The following SMCHD1 variants were observed in gnomAD, a reference collection of about 807,000 sequenced individuals.
SMCHD1 encodes the protein structural maintenance of chromosomes flexible hinge domain-containing protein 1.
A neutral mutation model predicts 254.7 loss-of-function variants in SMCHD1; 78 were observed. The observed-to-expected ratio is 0.31, with a 90% CI of 0.26 to 0.37. The LOEUF (loss-of-function observed/expected upper bound fraction) is 0.37. Among genes scored for constraint, SMCHD1 ranks in the 10% least tolerant of loss-of-function variants. SMCHD1 has a pLI of 1.00. For missense variants in SMCHD1, 1,840 were observed against 2,408.1 expected (o/e 0.76, Z 4.94); for synonymous variants, 766 against 794.9 (o/e 0.96, Z 0.61).
chr18:2,670,433 G>C (rs1568092520), intron 3 of SMCHD1, among the ~76,000 whole-genome samples: 3 of 151,994 alleles, frequency 2.0e-5, no homozygotes, highest in Non-Finnish European at 2.9e-5. Flanking sequence ...TTTCTCTGCT[G>C]TTTCTTTTTT....
chr18:2,696,363 G>A (rs1239988767), intron 8 of SMCHD1, among the ~76,000 whole-genome samples: 3 of 152,164 alleles, frequency 2.0e-5, no homozygotes, highest in Non-Finnish European at 4.4e-5. Context: ...ACCTGGCTCC[G>A]CCTCCTGTCA....
chr18:2,746,014 T>C (rs996496663), intron 29 of SMCHD1, among the ~76,000 whole-genome samples: 2 of 152,118 alleles, frequency 1.3e-5, no homozygotes, highest in African/African-American at 2.4e-5. Context: ...TAAATACATA[T>C]ATTATTCTTT....
chr18:2,678,822 GTTTT>G (rs572937755), intron 5 of SMCHD1, among the ~76,000 whole-genome samples: 7 of 144,670 alleles, frequency 4.8e-5, no homozygotes, highest in African/African-American at 1.8e-4. Flanking sequence ...TCCGTTTTTT[GTTTT>G]TTTTTTTTTT....
At chr18:2,656,800 G>A (rs549924581) in intron 1 of SMCHD1, among the ~76,000 whole-genome samples, 1 of 152,066 alleles carries the variant, frequency 6.6e-6, no homozygotes, top group Non-Finnish European at 1.5e-5. Context: ...CGGGGCGGCG[G>A]GGGGGATCCT....
chr18:2,761,812 T>A (rs796153980), intron 35 of SMCHD1, among the ~76,000 whole-genome samples: 28 of 152,306 alleles, frequency 1.8e-4, no homozygotes, highest in African/African-American at 6.5e-4. Flanking sequence ...AGTGAGACTC[T>A]GTCTCAAAAA....
At chr18:2,785,340 T>C (rs1161315077) in intron 45 of SMCHD1, among the ~76,000 whole-genome samples, 2 of 152,142 alleles carry the variant, frequency 1.3e-5, no homozygotes, top group African/African-American at 4.8e-5. Flanking sequence ...AAATTTACCA[T>C]CTTAACCATT....
At chr18:2,742,924 T>G (rs547629053) in intron 28 of SMCHD1, among the ~76,000 whole-genome samples, 168 of 152,288 alleles carry the variant, frequency 1.1e-3, no homozygotes, top group African/African-American at 3.9e-3. Context: ...TCCTTCCACC[T>G]TGGCCTCGTA....
chr18:2,678,721 A>G (rs190718814), intron 5 of SMCHD1, among the ~76,000 whole-genome samples: 1 of 152,254 alleles, frequency 6.6e-6, no homozygotes, highest in Non-Finnish European at 1.5e-5. Context: ...TTTAGCCCAA[A>G]GGACTCTCTC....
At chr18:2,725,117 T>C in intron 21 of SMCHD1, 122 bp downstream of exon 21, 2 of 528,366 alleles carry the variant, frequency 3.8e-6, no homozygotes. Flanking sequence ...AGTAATTGGG[T>C]TCTTAGGAAT....
chr18:2,723,637 C>T (rs2074970540), intron 20 of SMCHD1, among the ~76,000 whole-genome samples: 1 of 152,154 alleles, frequency 6.6e-6, no homozygotes, highest in African/African-American at 2.4e-5. Flanking sequence ...CATATGCATT[C>T]GTTCCAGATA....
In SMCHD1 at chr18:2,802,510, T is replaced by G; in HGVS notation, c.5994-18T>G. On this transcript the variant is annotated intron_variant, in intron 47 of 47. Coordinates refer to ENST00000320876, the MANE Select transcript of SMCHD1 (RefSeq NM_015295.3). ...ACCTTTGGTACATAAAACTTTTTTT[T>G]CTTTCCCCTTTGACCAGGATTATAA... 2 of 1,546,348 alleles carry G rather than the reference T, an allele frequency of 1.3e-6. No individual in the cohort carries two copies. The highest frequency in any genetic ancestry group is 1.7e-6 in the Non-Finnish European group (2 of 1,144,478).
chr18:2,745,816 CTAAT>C (rs1315199009), intron 29 of SMCHD1, among the ~76,000 whole-genome samples: 3 of 152,082 alleles, frequency 2.0e-5, no homozygotes, highest in Non-Finnish European at 4.4e-5. Flanking sequence ...AAAACATAAA[CTAAT>C]ATATCAGTCT....
chr18:2,734,872 A>G (rs747801492), intron 25 of SMCHD1, among the ~76,000 whole-genome samples: 1 of 152,024 alleles, frequency 6.6e-6, no homozygotes, highest in Non-Finnish European at 1.5e-5. Flanking sequence ...GTTCAAGACC[A>G]GCCTGGCCAA....
At chr18:2,745,424 A>G (rs958124970) in intron 29 of SMCHD1, among the ~76,000 whole-genome samples, 4 of 152,210 alleles carry the variant, frequency 2.6e-5, no homozygotes, top group African/African-American at 9.6e-5. Context: ...CTCATGCCTT[A>G]GTTTGAGATT....
At chr18:2,795,502 C>T (rs1368504747) in intron 45 of SMCHD1, among the ~76,000 whole-genome samples, 2 of 152,206 alleles carry the variant, frequency 1.3e-5, no homozygotes, top group African/African-American at 4.8e-5. Flanking sequence ...GTTACACTTA[C>T]ACATCTTTTT....
chr18:2,672,366 A>G lies in SMCHD1; in HGVS notation c.425-915A>G, dbSNP rs1227327867. Reference sequence around the variant, plus strand: ...CTCAGCCTCCCGAGTAGCTGGGATTATAGGCACCAGCTACCACGCCCAGCT... The same window carrying G: ...CTCAGCCTCCCGAGTAGCTGGGATTGTAGGCACCAGCTACCACGCCCAGCT... On this transcript the variant is annotated intron_variant, in intron 3 of 47. Transcript: ENST00000320876. 2.0e-5 allele frequency among the ~76,000 whole-genome samples: 3 copies of G among 152,084 alleles called. No homozygotes were observed. In the South Asian group the frequency reaches 6.2e-4, roughly 32 times the overall value.
chr18:2,715,853 GAAAAT>G (rs922048781), intron 17 of SMCHD1, among the ~76,000 whole-genome samples: 9 of 152,184 alleles, frequency 5.9e-5, no homozygotes, highest in Admixed American at 5.9e-4. Context: ...CACATCTCAA[GAAAAT>G]AAAATAATCA....
At chr18:2,797,539 A>G (rs2076284104) in intron 47 of SMCHD1, among the ~76,000 whole-genome samples, 2 of 152,226 alleles carry the variant, frequency 1.3e-5, no homozygotes, top group South Asian at 2.1e-4. Flanking sequence ...TCTGTGTTGT[A>G]TGTTGCTGGG....
At chr18:2,664,821 T>C (rs1568077395) in intron 1 of SMCHD1, among the ~76,000 whole-genome samples, 2 of 152,340 alleles carry the variant, frequency 1.3e-5, no homozygotes, top group South Asian at 2.1e-4. Flanking sequence ...AGGAACAACT[T>C]TGCCTCATCA....
Sources: allele counts gnomAD v4.1 joint callset (sites outside exome capture counted in the v4.1 genomes callset), GRCh38; gene constraint gnomAD v4.1.1; transcripts MANE v1.5; gene names NCBI Gene and HGNC (gene_info 2026-07-23, HGNC 2026-07-21).